The following FTO variants were observed in gnomAD, a reference collection of about 807,000 sequenced individuals.
FTO encodes the protein FTO alpha-ketoglutarate dependent dioxygenase.
In FTO, 47 loss-of-function variants were observed where a neutral mutation model predicts 63.9. The ratio of observed to expected loss-of-function variants is 0.74; its 90% CI spans 0.58 to 0.94. The LOEUF (loss-of-function observed/expected upper bound fraction) is 0.94. FTO is among the 40% of genes least tolerant of loss of function. The pLI, the probability that FTO is intolerant of heterozygous loss-of-function variation, is 0.00. For missense variants in FTO, 562 were observed against 618.1 expected, an observed-to-expected ratio of 0.91 and a Z score of 0.96; for synonymous variants, 207 against 224.4, an observed-to-expected ratio of 0.92 and a Z score of 0.69.
At chr16:54,080,459 A>T (rs1325884481) in intron 8 of FTO, among the ~76,000 whole-genome samples, 1 of 152,216 alleles carries the variant, frequency 6.6e-6, no homozygotes, top group Non-Finnish European at 1.5e-5. Context: ...GCATTTACAG[A>T]TAAAGAAACT....
intron 1 of FTO, among the ~76,000 whole-genome samples, chr16:53,797,581 CTG>C (rs1297141402): frequency 2.0e-5 from 3 of 152,046 alleles, no homozygotes; most frequent in Non-Finnish European, 4.4e-5. Flanking sequence ...ATTTCTTTAT[CTG>C]TGCACTTGTT....
chr16:53,771,951 G>A (rs182942203), intron 1 of FTO, among the ~76,000 whole-genome samples: 3 of 152,226 alleles, frequency 2.0e-5, no homozygotes, highest in Non-Finnish European at 4.4e-5. Context: ...GAGCTGGGGA[G>A]AGAGGAATGG....
chr16:54,062,428 C>T (rs1182769088), intron 8 of FTO, among the ~76,000 whole-genome samples: 17 of 152,264 alleles, frequency 1.1e-4, no homozygotes, highest in South Asian at 1.0e-3. Flanking sequence ...AGGACCCACA[C>T]GCTGGCTTCC....
chr16:54,067,194 G>T (rs1599308735), intron 8 of FTO, among the ~76,000 whole-genome samples: 2 of 148,062 alleles, frequency 1.4e-5, no homozygotes. Flanking sequence ...CTTTGCCTAT[G>T]CATTTCTGGT....
chr16:53,840,158 T>C (rs2079432803), intron 3 of FTO, among the ~76,000 whole-genome samples: 1 of 152,158 alleles, frequency 6.6e-6, no homozygotes, highest in Admixed American at 6.5e-5. Flanking sequence ...TATAGTTGAT[T>C]TGACCAGAAA....
intron 8 of FTO, among the ~76,000 whole-genome samples, chr16:53,995,971 C>G (rs941390949): frequency 1.2e-4 from 18 of 152,186 alleles, no homozygotes; most frequent in African/African-American, 3.9e-4. Context: ...AAGACAGAGC[C>G]TCATGTTTGC....
chr16:53,927,872 G>T (rs1302182249), intron 7 of FTO, among the ~76,000 whole-genome samples: 1 of 152,214 alleles, frequency 6.6e-6, no homozygotes, highest in Admixed American at 6.5e-5. Flanking sequence ...TTTTATGGTT[G>T]TGATTGTTCA....
At chr16:53,964,128 A>G (rs1475318496) in intron 8 of FTO, among the ~76,000 whole-genome samples, 1 of 152,190 alleles carries the variant, frequency 6.6e-6, no homozygotes, top group Non-Finnish European at 1.5e-5. Context: ...GGTTGAGCTG[A>G]TATGGTCCTT....
chr16:53,968,208 T>C (rs898455667), intron 8 of FTO, among the ~76,000 whole-genome samples: 1 of 152,102 alleles, frequency 6.6e-6, no homozygotes, highest in Non-Finnish European at 1.5e-5. Flanking sequence ...GTATAGAAAA[T>C]GTGCAGACAA....
At chr16:53,749,526 C>T (rs1245672763) in intron 1 of FTO, among the ~76,000 whole-genome samples, 1 of 151,674 alleles carries the variant, frequency 6.6e-6, no homozygotes, top group Non-Finnish European at 1.5e-5. Context: ...GCAAGCTCCG[C>T]CTCCCGGGTT....
chr16:54,103,372 C>T (rs1332432706), intron 8 of FTO, among the ~76,000 whole-genome samples: 3 of 152,114 alleles, frequency 2.0e-5, no homozygotes, highest in Non-Finnish European at 4.4e-5. Context: ...CCCGGCTTCT[C>T]AAGTGGTCAT....
At chr16:53,839,118 TTGAA>T (rs2079390179) in intron 3 of FTO, among the ~76,000 whole-genome samples, 2 of 152,314 alleles carry the variant, frequency 1.3e-5, no homozygotes, top group South Asian at 4.1e-4. Flanking sequence ...GCATAAAACA[TTGAA>T]TGGGTTAATT....
chr16:53,789,753 C>CATATAT (rs143403033), intron 1 of FTO, among the ~76,000 whole-genome samples: 1,770 of 147,144 alleles, frequency 0.012, 14 homozygotes, highest in Non-Finnish European at 0.012. Flanking sequence ...CTGGAACATA[C>CATATAT]ATATATATAT....
intron 2 of FTO, 133 bp downstream of exon 2, chr16:53,810,350 T>C (rs1004393671): frequency 7.2e-6 from 5 of 693,796 alleles, no homozygotes; most frequent in Non-Finnish European, 1.3e-5. Context: ...TGACTTCTCA[T>C]GGCCTACAGA....
At chr16:54,014,085 C>G (rs147493771) in intron 8 of FTO, among the ~76,000 whole-genome samples, 1 of 152,110 alleles carries the variant, frequency 6.6e-6, no homozygotes, top group Non-Finnish European at 1.5e-5. Context: ...ACAGGAAATG[C>G]GTTTTCCTTT....
intron 8 of FTO, among the ~76,000 whole-genome samples, chr16:53,935,245 A>G (rs1297397119): frequency 6.6e-6 from 1 of 152,232 alleles, no homozygotes; most frequent in African/African-American, 2.4e-5. Flanking sequence ...AGTCAAGAAC[A>G]TTTATTGATA....
Position 53,739,415 on chromosome 16 carries a change from C to T in FTO, c.45+35186C>T, listed in dbSNP as rs529607491. Among the ~76,000 whole-genome samples the T allele has an allele frequency of 2.1e-3, 319 of 150,636 alleles. 2 individuals are homozygous for T. Among genetic ancestry groups the T allele is most frequent in the Middle Eastern group, 0.017 (5 of 290 alleles). On this transcript the variant is annotated intron_variant, in intron 1 of 8. Coordinates refer to ENST00000471389, the MANE Select transcript of FTO (RefSeq NM_001080432.3). Reference sequence around the variant, plus strand: ...ATTTTTAGTAGAGATGGGGTTTTACCGTGTTAGCCAGGATGGTCTTGATCT... The same window carrying T: ...ATTTTTAGTAGAGATGGGGTTTTACTGTGTTAGCCAGGATGGTCTTGATCT...
intron 7 of FTO, among the ~76,000 whole-genome samples, chr16:53,926,917 A>G (rs1435880646): frequency 6.6e-6 from 1 of 152,160 alleles, no homozygotes; most frequent in Non-Finnish European, 1.5e-5. Flanking sequence ...TATATAAACA[A>G]AGGTGCTCTG....
chr16:53,716,101 G>A (rs552733324), intron 1 of FTO, among the ~76,000 whole-genome samples: 3 of 151,872 alleles, frequency 2.0e-5, no homozygotes, highest in Non-Finnish European at 4.4e-5. Flanking sequence ...AGCCTCATTG[G>A]TTTTTTTTGC....
Sources: gnomAD v4.1 joint callset for allele counts (sites outside exome capture counted in the v4.1 genomes callset) on GRCh38, gnomAD v4.1.1 for gene constraint, MANE v1.5 for transcripts, NCBI Gene and HGNC (gene_info 2026-07-23, HGNC 2026-07-21) for gene names.